Variants in CLVS1 observed in about 807,000 individuals in gnomAD.
The protein encoded by CLVS1 is clavesin 1.
CLVS1 carries 10 observed loss-of-function variants against 33.1 expected under a neutral mutation model. The ratio of observed to expected loss-of-function variants is 0.30; its 90% CI spans 0.19 to 0.51. The LOEUF (loss-of-function observed/expected upper bound fraction) is 0.51. Ranked by LOEUF, CLVS1 falls within the 20% of genes least tolerant of loss-of-function variation. The pLI is 0.97. For synonymous variants in CLVS1, 163 were observed against 166.1 expected (o/e 0.98, Z 0.14); for missense variants, 343 against 433.4 (o/e 0.79, Z 1.85).
At chr8:61,481,095 A>AC (rs1818177185) in intron 5 of CLVS1, among the ~76,000 whole-genome samples, 2 of 152,152 alleles carry the variant, frequency 1.3e-5, no homozygotes, top group African/African-American at 4.8e-5. Context: ...ACATAAGGGG[A>AC]CATAGGTGTT....
chr8:61,164,721 T>G (rs1276884820), intron 2 of CLVS1, among the ~76,000 whole-genome samples: 1 of 152,136 alleles, frequency 6.6e-6, no homozygotes, highest in Non-Finnish European at 1.5e-5. Flanking sequence ...ACACGAGGTT[T>G]TCTCTTTGTT....
Position 61,333,129 on chromosome 8 carries a change from A to T in CLVS1, c.455+32847A>T, listed in dbSNP as rs560071987. Among the ~76,000 whole-genome samples the T allele has an allele frequency of 1.4e-3, 210 of 152,350 alleles. 1 individual carries two copies. Among genetic ancestry groups the T allele is most frequent in the African/African-American group, 4.8e-3 (200 of 41,586 alleles). ...TTTCCACTTCTTTTCATATGCATTTACTGATTTTGTTTTTATTACATTGCT... is the reference window on the plus strand; with the variant it reads ...TTTCCACTTCTTTTCATATGCATTTTCTGATTTTGTTTTTATTACATTGCT... On this transcript the variant is annotated intron_variant, in intron 2 of 5. Transcript: ENST00000325897.
chr8:61,244,995 A>G (rs561835873), intron 2 of CLVS1, among the ~76,000 whole-genome samples: 71 of 152,288 alleles, frequency 4.7e-4, no homozygotes, highest in African/African-American at 1.7e-3. Flanking sequence ...TTACATGCAT[A>G]AATAATCAGA....
At chr8:61,357,489 C>CTTTTTTTTTTTTTTTTTTTTTTT (rs1462908906) in intron 2 of CLVS1, among the ~76,000 whole-genome samples, 1 of 30,262 alleles carries the variant, frequency 3.3e-5, no homozygotes, top group Non-Finnish European at 7.4e-5. Context: ...TTTCCTTTTT[C>CTTTTTTTTTTTTTTTTTTTTTTT]TTTTCTTTTT....
chr8:61,155,999 G>A (rs1219316967), intron 2 of CLVS1, among the ~76,000 whole-genome samples: 1 of 152,146 alleles, frequency 6.6e-6, no homozygotes, highest in East Asian at 1.9e-4. Flanking sequence ...GATCACCTGA[G>A]GTTCAGGAGT....
intron 5 of CLVS1, among the ~76,000 whole-genome samples, chr8:61,496,875 T>C (rs1359290730): frequency 5.3e-5 from 8 of 152,200 alleles, no homozygotes; most frequent in Admixed American, 5.2e-4. Context: ...TGTGGGTTGG[T>C]AATAAACCTG....
At chr8:61,477,246 G>T (rs1460438402) in intron 5 of CLVS1, among the ~76,000 whole-genome samples, 1 of 152,134 alleles carries the variant, frequency 6.6e-6, no homozygotes, top group Non-Finnish European at 1.5e-5. Context: ...AAGGATATTG[G>T]TCTAAAATTC....
the CLVS1 span, among the ~76,000 whole-genome samples, chr8:61,012,924 C>T: frequency 6.6e-6 from 1 of 152,174 alleles, no homozygotes; most frequent in Non-Finnish European, 1.5e-5. Context: ...CATCGTGGCT[C>T]AGGATTCTTG....
At chr8:61,425,755 T>C (rs767869099) in intron 3 of CLVS1, among the ~76,000 whole-genome samples, 24 of 152,212 alleles carry the variant, frequency 1.6e-4, no homozygotes, top group Admixed American at 2.6e-4. Flanking sequence ...CACTTACTCA[T>C]TAGCTCTACA....
intron 2 of CLVS1, among the ~76,000 whole-genome samples, chr8:61,343,790 G>T (rs1005970318): frequency 6.6e-6 from 1 of 152,100 alleles, no homozygotes; most frequent in Non-Finnish European, 1.5e-5. Context: ...TCATTTTGGT[G>T]ATATGTTTGA....
At chr8:61,276,729 G>T (rs1022150420) in intron 2 of CLVS1, among the ~76,000 whole-genome samples, 1 of 152,158 alleles carries the variant, frequency 6.6e-6, no homozygotes, top group Non-Finnish European at 1.5e-5. Flanking sequence ...AATGATACAA[G>T]ATAATAGGTG....
intron 2 of CLVS1, among the ~76,000 whole-genome samples, chr8:61,204,669 CT>C (rs1807803691): frequency 6.6e-6 from 1 of 152,108 alleles, no homozygotes; most frequent in Non-Finnish European, 1.5e-5. Flanking sequence ...CTACAAATTG[CT>C]TTGTATAGCT....
chr8:61,362,174 A>G (rs1487157886), intron 2 of CLVS1, among the ~76,000 whole-genome samples: 1 of 152,206 alleles, frequency 6.6e-6, no homozygotes, highest in Non-Finnish European at 1.5e-5. Context: ...GATGGGAGTC[A>G]TTGTCAATAC....
At chr8:61,103,202 C>T (rs1186600397) in intron 1 of CLVS1, among the ~76,000 whole-genome samples, 2 of 152,190 alleles carry the variant, frequency 1.3e-5, no homozygotes, top group African/African-American at 4.8e-5. Context: ...GGGTGAAGCA[C>T]TGTTTGAGTT....
intron 1 of CLVS1, among the ~76,000 whole-genome samples, chr8:61,128,695 C>T (rs966778910): frequency 9.2e-5 from 14 of 152,182 alleles, no homozygotes; most frequent in African/African-American, 3.4e-4. Context: ...CGTGAAGGTA[C>T]CTCTCCATGT....
intron 1 of CLVS1, among the ~76,000 whole-genome samples, chr8:61,120,987 T>C (rs4541913): frequency 0.66 from 97,074 of 146,852 alleles, 34,744 homozygotes; most frequent in East Asian, 0.97. Context: ...TGCCGCCTTG[T>C]AGTTTGATCT....
chr8:61,175,762 A>G (rs916421042), intron 2 of CLVS1, among the ~76,000 whole-genome samples: 1 of 152,212 alleles, frequency 6.6e-6, no homozygotes, highest in African/African-American at 2.4e-5. Context: ...CTAAGAGGGA[A>G]CATGGCCCTG....
intron 2 of CLVS1, among the ~76,000 whole-genome samples, chr8:61,303,632 G>A (rs1375445921): frequency 6.6e-6 from 1 of 152,150 alleles, no homozygotes; most frequent in Admixed American, 6.5e-5. Context: ...TATTCCATTG[G>A]CAGCCAAATA....
intron 2 of CLVS1, among the ~76,000 whole-genome samples, chr8:61,224,582 C>G (rs1347453441): frequency 6.6e-6 from 1 of 152,208 alleles, no homozygotes; most frequent in Admixed American, 6.5e-5. Flanking sequence ...GGGCACCAAG[C>G]TGATGCCAGT....
Sources: gnomAD v4.1 joint callset for allele counts (sites outside exome capture counted in the v4.1 genomes callset) on GRCh38, gnomAD v4.1.1 for gene constraint, MANE v1.5 for transcripts, NCBI Gene and HGNC (gene_info 2026-07-23, HGNC 2026-07-21) for gene names.